SPINK14: variants seen among roughly 807,000 people sequenced by gnomAD.
SPINK14 encodes serine protease inhibitor Kazal-type 14.
A neutral mutation model predicts 14.2 loss-of-function variants in SPINK14; 6 were observed. That is an observed-to-expected ratio of 0.42 (90% confidence interval 0.23 to 0.83). The LOEUF (loss-of-function observed/expected upper bound fraction) is 0.83, where lower values mean the gene tolerates loss of function less well. Among genes scored for constraint, SPINK14 ranks in the 40% least tolerant of loss-of-function variants. The pLI is 0.28. For missense variants in SPINK14, 86 were observed against 108.3 expected, an observed-to-expected ratio of 0.79 and a Z score of 0.91; for synonymous variants, 34 against 36.8, an observed-to-expected ratio of 0.92 and a Z score of 0.27.
Position 148,175,460 on chromosome 5 carries a change from CT to C in SPINK14, c.*63del. The C allele has an allele frequency of 8.1e-7, 1 of 1,232,686 alleles. No individual in the cohort carries two copies. The highest frequency in any genetic ancestry group is 2.3e-5 in the East Asian group (1 of 42,574). 76.4% of individuals were successfully genotyped at this position (1,232,686 alleles called of 1,614,324 possible). On this transcript the variant is annotated 3_prime_UTR_variant, in exon 5 of 5. Coordinates refer to ENST00000356972, the MANE Select transcript of SPINK14 (RefSeq NM_001001325.2). ...TTTTTCCTCCATGTCTCCAATCTCCCTCTTGCGCTTTTTACATCTCCTTGCA... is the reference window on the plus strand; with the variant it reads ...TTTTTCCTCCATGTCTCCAATCTCCCCTTGCGCTTTTTACATCTCCTTGCA...
intron 1 of SPINK14, among the ~76,000 whole-genome samples, 97 bp from the exon 2 acceptor site, chr5:148,169,564 G>A (rs947735025): frequency 2.0e-5 from 3 of 152,118 alleles, no homozygotes; most frequent in Non-Finnish European, 2.9e-5. Context: ...GAATGGAATA[G>A]GCTTTCCAAA....
At chr5:148,169,965 G>GTA (rs371403718) in intron 2 of SPINK14, among the ~76,000 whole-genome samples, 166 bp downstream of exon 2, 4 of 144,936 alleles carry the variant, frequency 2.8e-5, no homozygotes, top group East Asian at 2.0e-4. Flanking sequence ...GTGTATATAT[G>GTA]TATATATATA....
At chr5:148,174,861 G>T (rs941597661) in intron 4 of SPINK14, among the ~76,000 whole-genome samples, 7 of 152,004 alleles carry the variant, frequency 4.6e-5, no homozygotes, top group East Asian at 1.9e-4. Flanking sequence ...ATCTTATAAC[G>T]CAATGCTTTC....
At chr5:148,168,835 A>G (rs1023520571) in intron 1 of SPINK14, among the ~76,000 whole-genome samples, 12 of 152,166 alleles carry the variant, frequency 7.9e-5, no homozygotes, top group Non-Finnish European at 1.8e-4. Flanking sequence ...TGTCTTAAGT[A>G]ACACCTGCCA....
At chr5:148,171,723 C>T (rs7713904) in intron 3 of SPINK14, among the ~76,000 whole-genome samples, 84,610 of 151,840 alleles carry the variant, frequency 0.56, 23,923 homozygotes, top group Middle Eastern at 0.64. Flanking sequence ...GAGTTGACTG[C>T]TGAGAAAGAT....
At chr5:148,173,214 C>T (rs989266356) in intron 3 of SPINK14, among the ~76,000 whole-genome samples, 11 of 151,904 alleles carry the variant, frequency 7.2e-5, no homozygotes, top group African/African-American at 1.2e-4. Flanking sequence ...CTACTTTGTG[C>T]GTGAGGTATT....
At chr5:148,172,554 A>G (rs1239447639) in intron 3 of SPINK14, among the ~76,000 whole-genome samples, 1 of 152,190 alleles carries the variant, frequency 6.6e-6, no homozygotes, top group Non-Finnish European at 1.5e-5. Flanking sequence ...TGTGCTGGGC[A>G]CATAATGACT....
chr5:148,173,118 TG>T (rs1755128529), intron 3 of SPINK14, among the ~76,000 whole-genome samples: 1 of 148,518 alleles, frequency 6.7e-6, no homozygotes, highest in African/African-American at 2.4e-5. Flanking sequence ...GCCATGATGG[TG>T]GTGTTGAATA....
At chr5:148,171,144 T>C (rs747963135) in intron 3 of SPINK14, among the ~76,000 whole-genome samples, 171 bp downstream of exon 3, 1 of 152,034 alleles carries the variant, frequency 6.6e-6, no homozygotes, top group Non-Finnish European at 1.5e-5. Flanking sequence ...AGAGTAGAGA[T>C]CCAAACTTGG....
Position 148,169,654 on chromosome 5 carries a change from A to G in SPINK14, c.-72-7A>G. 1 of 1,130,184 alleles carries G rather than the reference A, an allele frequency of 8.8e-7. No homozygotes were observed. The highest frequency in any genetic ancestry group is 1.4e-5 in the South Asian group (1 of 73,804). 70.0% of individuals were successfully genotyped at this position (1,130,184 alleles called of 1,614,324 possible). A position where few individuals can be genotyped will look rare whatever the true frequency, so the allele number is the denominator to read the frequency against. Reference sequence around the variant, plus strand: ...GTCATCTTAAATCCTGATTGTCTCTACTTTAGTGATTGTATTAGAGGGCAA... The same window carrying G: ...GTCATCTTAAATCCTGATTGTCTCTGCTTTAGTGATTGTATTAGAGGGCAA... On this transcript the variant is annotated splice_polypyrimidine_tract_variant and splice_region_variant and intron_variant, in intron 1 of 4. Transcript: ENST00000356972.
chr5:148,174,281 G>A lies in SPINK14; in HGVS notation c.159G>A (p.Thr53=), dbSNP rs555694393. ...EKVNLSWYNG[T]VNPCPGLYQP... ...TAAACTTGAGCTGGTACAATGGAACGGTCAACCCCTGCCCTGGCTTATATC... is the reference window on the plus strand; with the variant it reads ...TAAACTTGAGCTGGTACAATGGAACAGTCAACCCCTGCCCTGGCTTATATC... Residue 53 remains threonine (T), a synonymous_variant, in exon 4 of 5, where the codon ACG becomes ACA. Transcript: ENST00000356972. The A allele has an allele frequency of 2.4e-5, 27 of 1,112,974 alleles. 8 individuals are homozygous for A. The highest frequency in any genetic ancestry group is 2.0e-4 in the South Asian group (13 of 64,306). 68.9% of individuals were successfully genotyped at this position (1,112,974 alleles called of 1,614,324 possible).
At position 148,170,938 on chromosome 5, in the gene SPINK14, C is replaced by A; in HGVS notation, c.76C>A (p.Pro26Thr). 6.2e-7 allele frequency: 1 copy of A among 1,612,170 alleles called. No homozygotes were observed. The highest frequency in any genetic ancestry group is 1.3e-5 in the African/African-American group (1 of 74,906). ...IHLVLSSVSG[P>T]RHWWPPRGII... ...TTTCATGTATTCTCTAGTTTCAGGC[C>A]CTAGACACTGGTGGCCACCACGTGG... The change falls in exon 3 of 5, where the codon CCT becomes ACT. Residue 26 changes from proline to threonine, a missense_variant. Transcript: ENST00000356972.
At position 148,170,171 on chromosome 5, in the gene SPINK14, T is replaced by TACACACAC. The variant is rs374908374; in HGVS notation, c.67+373_67+374insCACACACA. Among the ~76,000 whole-genome samples the TACACACAC allele has an allele frequency of 5.3e-3, 736 of 138,190 alleles. 4 individuals carry two copies. Among genetic ancestry groups the TACACACAC allele is most frequent in the South Asian group, 0.012 (52 of 4,346 alleles). 90.7% of individuals were successfully genotyped at this position (138,190 alleles called of 152,430 possible). ...CACATACTCAGAGTATATATATATATATACACACACACACACACACACACA... is the reference window on the plus strand; with the variant it reads ...CACATACTCAGAGTATATATATATATACACACACATACACACACACACACACACACACA... On this transcript the variant is annotated intron_variant, in intron 2 of 4. Transcript: ENST00000356972.
chr5:148,171,024 T>G, intron 3 of SPINK14, 51 bp downstream of exon 3: 4 of 1,410,250 alleles, frequency 2.8e-6, no homozygotes, highest in Non-Finnish European at 3.9e-6. Flanking sequence ...ATATGAGTTC[T>G]TTTTTTTTGG....
intron 2 of SPINK14, among the ~76,000 whole-genome samples, chr5:148,170,273 T>C (rs2113280095): frequency 6.6e-6 from 1 of 151,812 alleles, no homozygotes; most frequent in East Asian, 2.0e-4. Context: ...TGCCATCTTT[T>C]GCATGCCGAT....
chr5:148,171,548 C>CG (rs1253936536), intron 3 of SPINK14, among the ~76,000 whole-genome samples: 1 of 152,010 alleles, frequency 6.6e-6, no homozygotes, highest in Non-Finnish European at 1.5e-5. Flanking sequence ...TGAGGTCAAT[C>CG]GATATTTGAT....
At position 148,170,937 on chromosome 5, in the gene SPINK14, C is replaced by A. The variant is rs753111623; in HGVS notation, c.75C>A (p.Gly25=). The A allele has an allele frequency of 6.1e-5, 98 of 1,611,906 alleles. No individual in the cohort carries two copies. Among genetic ancestry groups the A allele is most frequent in the Admixed American group, 1.3e-4 (8 of 59,834 alleles). Residue 25 remains glycine, a synonymous_variant, in exon 3 of 5, where the codon GGC becomes GGA. Transcript: ENST00000356972. ...TTTTCATGTATTCTCTAGTTTCAGGCCCTAGACACTGGTGGCCACCACGTG... is the reference window on the plus strand; with the variant it reads ...TTTTCATGTATTCTCTAGTTTCAGGACCTAGACACTGGTGGCCACCACGTG... ...LIHLVLSSVS[G]PRHWWPPRGI...
intron 4 of SPINK14, 116 bp downstream of exon 4, chr5:148,174,486 C>A: frequency 1.7e-6 from 1 of 604,940 alleles, no homozygotes; most frequent in Non-Finnish European, 2.6e-6. Context: ...CTCCAGTTCA[C>A]ACAGATAATA....
At chr5:148,174,442 T>C in intron 4 of SPINK14, 72 bp downstream of exon 4, 1 of 868,304 alleles carries the variant, frequency 1.2e-6, no homozygotes, top group Non-Finnish European at 1.7e-6. Context: ...CTACCCTTCC[T>C]ATCAAGTACA....
Sources: allele counts gnomAD v4.1 joint callset (sites outside exome capture counted in the v4.1 genomes callset), GRCh38; gene constraint gnomAD v4.1.1; transcripts MANE v1.5; gene names NCBI Gene and HGNC (gene_info 2026-07-23, HGNC 2026-07-21).